NHSL1: variants seen among roughly 807,000 people sequenced by gnomAD.
The protein encoded by NHSL1 is NHS-like protein 1.
Under a neutral mutation model 95.0 loss-of-function variants are expected in NHSL1, and 48 were observed. The ratio of observed to expected loss-of-function variants is 0.51; its 90% CI spans 0.40 to 0.64. The LOEUF (loss-of-function observed/expected upper bound fraction) is 0.64. Ranked by LOEUF, NHSL1 falls within the 30% of genes least tolerant of loss-of-function variation. The pLI is 0.00. For missense variants in NHSL1, 1,971 were observed against 2,077.7 expected, an observed-to-expected ratio of 0.95 and a Z score of 1.00; for synonymous variants, 783 against 833.9, an observed-to-expected ratio of 0.94 and a Z score of 1.05.
rs141110792 is a variant in NHSL1 at position 138,674,742 on chromosome 6, C to T, written c.96+17734G>A. ...CACTGATGGGCATTTGGGTTGACTCCATGTCTTTGCTATTGTGAACAGTGC... is the reference window on the plus strand; with the variant it reads ...CACTGATGGGCATTTGGGTTGACTCTATGTCTTTGCTATTGTGAACAGTGC... On this transcript the variant is annotated intron_variant, in intron 1 of 3. Transcript: ENST00000491526. Among the ~76,000 whole-genome samples the T allele has an allele frequency of 4.0e-3, 610 of 152,226 alleles. 5 individuals are homozygous for T. Among genetic ancestry groups the T allele is most frequent in the African/African-American group, 0.012 (508 of 41,532 alleles).
rs1323378639 is a variant in NHSL1, at chr6:138,634,432, G to C, written c.96+58044C>G. Among the ~76,000 whole-genome samples the C allele has an allele frequency of 2.6e-5, 4 of 152,200 alleles. 1 individual carries two copies. Among genetic ancestry groups the C allele is most frequent in the Middle Eastern group, 3.4e-3 (1 of 294 alleles). On this transcript the variant is annotated intron_variant, in intron 1 of 3. Transcript: ENST00000491526. ...AGCTATACTTACATCAGACAAAACA[G>C]ATTTCAAGACAAAAACTATAAGAGA...
chr6:138,545,637 A>G, exon 1 of NHSL1: 4 of 1,289,368 alleles, frequency 3.1e-6, no homozygotes, highest in Non-Finnish European at 4.0e-6. Context: ...CAGACAGAAC[A>G]TTCTGCAGCA....
chr6:138,544,115 A>G (rs774470877), intron 1 of NHSL1, among the ~76,000 whole-genome samples: 2 of 152,226 alleles, frequency 1.3e-5, no homozygotes, highest in Non-Finnish European at 2.9e-5. Flanking sequence ...CCACAACCGT[A>G]TTCAATTAAA....
In NHSL1 at chr6:138,432,629, A is replaced by G; in HGVS notation, c.1716T>C (p.Thr572=). 1 of 1,551,700 alleles carries G rather than the reference A, an allele frequency of 6.4e-7. No homozygotes were observed. The highest frequency in any genetic ancestry group is 1.4e-5 in the African/African-American group (1 of 73,134). The change falls in exon 6 of 8, where the codon ACT becomes ACC. Residue 572 remains threonine (T), a synonymous_variant. Coordinates refer to ENST00000343505, the MANE Select transcript of NHSL1 (RefSeq NM_001144060.2). The surrounding 1 kb of genome is among the most constrained non-coding windows in gnomAD (Gnocchi z 4.4). ...RASPLKPHLA[T]PGYSTPTSNM... ...TACTTGTGGGAGTGGAATAGCCAGG[A>G]GTTGCTAAATGCGGCTTCAGGGGGG...
chr6:138,521,485 C>G, intron 1 of NHSL1, among the ~76,000 whole-genome samples: 1 of 151,852 alleles, frequency 6.6e-6, no homozygotes, highest in Non-Finnish European at 1.5e-5. Context: ...AAAACAGCTA[C>G]CCCCTGCCTC....
chr6:138,550,643 T>A (rs1189136542), upstream of NHSL1, among the ~76,000 whole-genome samples: 1 of 152,210 alleles, frequency 6.6e-6, no homozygotes, highest in Non-Finnish European at 1.5e-5. Context: ...GATAATTATG[T>A]CTTCAAAACC....
intron 1 of NHSL1, among the ~76,000 whole-genome samples, chr6:138,584,443 C>T (rs1784104115): frequency 1.3e-5 from 2 of 152,140 alleles, no homozygotes; most frequent in Admixed American, 6.5e-5. Context: ...ATGTGCACGG[C>T]CAACTCTCCC....
rs183360575 is a variant in NHSL1 at position 138,514,243 on chromosome 6, G to C, written c.17-17872C>G. On this transcript the variant is annotated intron_variant, in intron 1 of 4. Transcript: ENST00000342260. The stretch of plus-strand genomic sequence containing the variant: ...TGAGGCAGAAGAATTGCTTGAACCC[G>C]GGAGGAGGGGGTTGCAGTGAGCCGA... 6.2e-3 allele frequency among the ~76,000 whole-genome samples: 945 copies of C among 152,136 alleles called. 23 individuals carry two copies. Among genetic ancestry groups the C allele is most frequent in the Admixed American group, 0.048 (733 of 15,292 alleles).
upstream of NHSL1, among the ~76,000 whole-genome samples, chr6:138,546,514 A>T (rs1163746359): frequency 2.1e-5 from 3 of 139,998 alleles, no homozygotes; most frequent in Non-Finnish European, 4.6e-5. Flanking sequence ...GAGGCTGAGG[A>T]GGGAGGATTG....
intron 1 of NHSL1, among the ~76,000 whole-genome samples, chr6:138,564,284 T>TCTTGTTCCCCTTTGATCCATC (rs1161427164): frequency 3.6e-4 from 55 of 152,246 alleles, no homozygotes; most frequent in African/African-American, 1.0e-3. Flanking sequence ...CTGTCTCCAC[T>TCTTGTTCCCCTTTGATCCATC]CTTGTTCCCC....
At chr6:138,624,285 G>A (rs561705104) in intron 1 of NHSL1, among the ~76,000 whole-genome samples, 11 of 152,170 alleles carry the variant, frequency 7.2e-5, no homozygotes, top group East Asian at 1.9e-4. Context: ...CTGAGCCTCC[G>A]CATTTCTAAC....
chr6:138,668,648 CAG>C (rs1195848152), intron 1 of NHSL1, among the ~76,000 whole-genome samples: 1 of 123,226 alleles, frequency 8.1e-6, no homozygotes, highest in African/African-American at 3.2e-5. Context: ...TTTTTTGAGA[CAG>C]AGTCTTGCTC....
Position 138,637,560 on chromosome 6 carries a change from C to T in NHSL1, c.96+54916G>A, listed in dbSNP as rs1216306930. 2.6e-5 allele frequency among the ~76,000 whole-genome samples: 4 copies of T among 151,848 alleles called. No individual in the cohort carries two copies. The East Asian group carries it at 5.8e-4, about 22-fold the overall frequency. ...ACCTCTATCAGCAAAAAATCTAATC[C>T]GATTAAAAAATGGGCAAAAGATTTC... On this transcript the variant is annotated intron_variant, in intron 1 of 3. Transcript: ENST00000491526.
chr6:138,426,623 A>G (rs1358258899), intron 7 of NHSL1, among the ~76,000 whole-genome samples: 1 of 152,202 alleles, frequency 6.6e-6, no homozygotes, highest in African/African-American at 2.4e-5. Context: ...TACGTGGCTT[A>G]CACAGCAAGA....
At chr6:138,467,788 G>C (rs1778488322) in intron 3 of NHSL1, among the ~76,000 whole-genome samples, 1 of 152,158 alleles carries the variant, frequency 6.6e-6, no homozygotes. Context: ...TCTTTGTACA[G>C]CTATACAATG....
intron 3 of NHSL1, among the ~76,000 whole-genome samples, chr6:138,468,668 A>T (rs530220549): frequency 6.6e-6 from 1 of 152,204 alleles, no homozygotes; most frequent in African/African-American, 2.4e-5. Context: ...ATAGTCTTCC[A>T]TGAAACTGGT....
At chr6:138,610,809 G>A (rs1326567100) in intron 1 of NHSL1, among the ~76,000 whole-genome samples, 1 of 152,112 alleles carries the variant, frequency 6.6e-6, no homozygotes, top group East Asian at 1.9e-4. Flanking sequence ...TGGGCGCAGT[G>A]GCTCATGCCT....
chr6:138,502,374 C>G (rs1311067565), upstream of NHSL1, among the ~76,000 whole-genome samples: 1 of 151,828 alleles, frequency 6.6e-6, no homozygotes, highest in East Asian at 1.9e-4. Context: ...GAGCCGTATT[C>G]TTCTGGAACT....
chr6:138,623,881 A>T (rs1322796140), intron 1 of NHSL1, among the ~76,000 whole-genome samples: 3 of 152,116 alleles, frequency 2.0e-5, no homozygotes, highest in Non-Finnish European at 2.9e-5. Context: ...GTGAGTCTCA[A>T]GAGATCCGAT....
Sources: gnomAD v4.1 joint callset for allele counts (sites outside exome capture counted in the v4.1 genomes callset) on GRCh38, gnomAD v4.1.1 for gene constraint, Gnocchi (gnomAD v3.1) non-coding constraint, MANE v1.5 for transcripts, NCBI Gene and HGNC (gene_info 2026-07-23, HGNC 2026-07-21) for gene names.